ARL15: variants seen among roughly 807,000 people sequenced by gnomAD.
The protein encoded by ARL15 is ADP-ribosylation factor-like protein 15.
A neutral mutation model predicts 25.2 loss-of-function variants in ARL15; 19 were observed. The observed-to-expected ratio is 0.75, with a 90% CI of 0.53 to 1.10. ARL15 has a LOEUF of 1.10. ARL15 is among the 50% of genes least tolerant of loss of function. The probability of loss-of-function intolerance (pLI) is 0.00; values close to 1 mark genes in which losing one functional copy is unlikely to be tolerated. For missense variants in ARL15, 220 were observed against 246.0 expected (o/e 0.89, Z 0.71); for synonymous variants, 94 against 86.8 (o/e 1.08, Z -0.46).
intron 1 of ARL15, among the ~76,000 whole-genome samples, chr5:54,267,431 T>C (rs1043793436): frequency 1.3e-5 from 2 of 152,240 alleles, no homozygotes; most frequent in Non-Finnish European, 2.9e-5. Flanking sequence ...AATTGTTTGT[T>C]TCAGCATCCT....
At chr5:54,113,432 T>C (rs1752801927) in intron 3 of ARL15, 22 bp from the exon 4 acceptor site, 1 of 1,604,364 alleles carries the variant, frequency 6.2e-7, no homozygotes, top group African/African-American at 1.3e-5. Context: ...AAAACAAATT[T>C]TCGTTTTAAA....
chr5:54,238,189 G>A (rs961352073), intron 1 of ARL15, among the ~76,000 whole-genome samples: 1 of 152,094 alleles, frequency 6.6e-6, no homozygotes, highest in African/African-American at 2.4e-5. Flanking sequence ...TGGAAAACGA[G>A]GGAGCAACCC....
chr5:53,927,082 G>T (rs1746055344), intron 4 of ARL15, among the ~76,000 whole-genome samples: 1 of 151,686 alleles, frequency 6.6e-6, no homozygotes, highest in Admixed American at 6.6e-5. Context: ...GTAAAATTCA[G>T]TGGCATTAAG....
chr5:54,149,423 A>T (rs897095389), intron 3 of ARL15, among the ~76,000 whole-genome samples: 28 of 152,196 alleles, frequency 1.8e-4, no homozygotes. Flanking sequence ...CATGATTTGC[A>T]TTATTTCTGA....
At chr5:53,949,412 T>C (rs533023423) in intron 4 of ARL15, among the ~76,000 whole-genome samples, 31 of 152,300 alleles carry the variant, frequency 2.0e-4, no homozygotes, top group Admixed American at 1.5e-3. Flanking sequence ...CCTAAAAAGT[T>C]GCTGTGTTTA....
intron 1 of ARL15, among the ~76,000 whole-genome samples, chr5:54,212,833 TG>T (rs893997686): frequency 1.3e-5 from 2 of 152,052 alleles, no homozygotes; most frequent in African/African-American, 2.4e-5. Flanking sequence ...AGTGATTTAA[TG>T]GGGGGGAGAT....
chr5:54,203,476 T>A (rs959045623), intron 1 of ARL15, among the ~76,000 whole-genome samples: 1 of 152,158 alleles, frequency 6.6e-6, no homozygotes, highest in Non-Finnish European at 1.5e-5. Flanking sequence ...TTAACACTAT[T>A]TGATGTCTTT....
intron 4 of ARL15, among the ~76,000 whole-genome samples, chr5:54,054,218 T>C (rs911079806): frequency 1.3e-5 from 2 of 152,190 alleles, no homozygotes; most frequent in African/African-American, 4.8e-5. Flanking sequence ...TTAATATCTT[T>C]CCTCGTTTTA....
intron 1 of ARL15, among the ~76,000 whole-genome samples, chr5:54,191,433 G>A (rs1398257845): frequency 6.6e-6 from 1 of 151,918 alleles, no homozygotes; most frequent in Non-Finnish European, 1.5e-5. Context: ...TAATACCACT[G>A]AGCTGCATAC....
At chr5:54,271,802 T>C (rs1696572829) in intron 1 of ARL15, among the ~76,000 whole-genome samples, 1 of 152,190 alleles carries the variant, frequency 6.6e-6, no homozygotes, top group African/African-American at 2.4e-5. Flanking sequence ...ATTAAGTCAC[T>C]GTTTAAATAA....
chr5:54,233,676 T>G (rs550501622), intron 1 of ARL15, among the ~76,000 whole-genome samples: 4 of 152,260 alleles, frequency 2.6e-5, no homozygotes, highest in African/African-American at 9.6e-5. Flanking sequence ...AGGTTCCACA[T>G]GGCAACTAGC....
chr5:54,036,204 A>G (rs982899276), intron 4 of ARL15, among the ~76,000 whole-genome samples: 24 of 152,146 alleles, frequency 1.6e-4, no homozygotes, highest in Admixed American at 7.2e-4. Context: ...CATTCTGGGA[A>G]TCAAAGAAAA....
chr5:54,155,698 ACACACG>A (rs1398841570), intron 2 of ARL15, among the ~76,000 whole-genome samples: 2 of 151,778 alleles, frequency 1.3e-5, no homozygotes, highest in East Asian at 3.9e-4. Flanking sequence ...ACACACACAC[ACACACG>A]CACACACACA....
intron 4 of ARL15, among the ~76,000 whole-genome samples, chr5:53,950,283 A>C (rs1028796228): frequency 1.3e-5 from 2 of 151,970 alleles, no homozygotes; most frequent in Admixed American, 6.6e-5. Context: ...AAAAAAAAAA[A>C]AACGACTATG....
intron 4 of ARL15, among the ~76,000 whole-genome samples, chr5:53,972,557 C>T (rs867594720): frequency 6.6e-6 from 1 of 152,142 alleles, no homozygotes; most frequent in Middle Eastern, 3.4e-3. Context: ...CACCAGGTAA[C>T]ATTTGTTTCT....
intron 4 of ARL15, among the ~76,000 whole-genome samples, chr5:53,917,919 G>A (rs1299371749): frequency 6.6e-6 from 1 of 152,132 alleles, no homozygotes; most frequent in Non-Finnish European, 1.5e-5. Flanking sequence ...ATAGACACAA[G>A]GCAGTATTGT....
chr5:54,251,951 T>C (rs1038306412), intron 1 of ARL15, among the ~76,000 whole-genome samples: 1 of 152,234 alleles, frequency 6.6e-6, no homozygotes, highest in African/African-American at 2.4e-5. Context: ...TCAATCAAAG[T>C]TGACAACCAG....
intron 1 of ARL15, among the ~76,000 whole-genome samples, chr5:54,274,015 T>C (rs183026179): frequency 1.1e-4 from 17 of 152,290 alleles, no homozygotes; most frequent in Non-Finnish European, 1.3e-4. Context: ...AATGCTGGCA[T>C]TGGAATCCAG....
intron 1 of ARL15, among the ~76,000 whole-genome samples, chr5:54,174,919 G>A (rs565170931): frequency 2.6e-5 from 4 of 152,294 alleles, no homozygotes; most frequent in South Asian, 4.2e-4. Context: ...ACTGGGCTGC[G>A]TTGGTCTTGT....
Sources: gnomAD v4.1 joint callset for allele counts (sites outside exome capture counted in the v4.1 genomes callset) on GRCh38, gnomAD v4.1.1 for gene constraint, MANE v1.5 for transcripts, NCBI Gene and HGNC (gene_info 2026-07-23, HGNC 2026-07-21) for gene names.